SEMA4D: variants seen among roughly 807,000 people sequenced by gnomAD.
The protein encoded by SEMA4D is semaphorin 4D.
SEMA4D carries 22 observed loss-of-function variants against 74.8 expected under a neutral mutation model. That is an observed-to-expected ratio of 0.29 (90% confidence interval 0.21 to 0.42). The LOEUF is 0.42. SEMA4D is among the 10% of genes least tolerant of loss of function. The probability of loss-of-function intolerance (pLI) is 1.00; values close to 1 mark genes in which losing one functional copy is unlikely to be tolerated. For synonymous variants in SEMA4D, 445 were observed against 463.7 expected (o/e 0.96, Z 0.52); for missense variants, 937 against 1,118.4 (o/e 0.84, Z 2.31).
chr9:89,406,002 G>A (rs1843245428), intron 2 of SEMA4D: 1 of 1,006,162 alleles, frequency 9.9e-7, no homozygotes, highest in Non-Finnish European at 1.2e-6. Flanking sequence ...CCGGCTGGCT[G>A]CCCAGCTTCC....
intron 1 of SEMA4D, among the ~76,000 whole-genome samples, chr9:89,493,002 C>G (rs1160046108): frequency 6.6e-6 from 1 of 152,234 alleles, no homozygotes; most frequent in Non-Finnish European, 1.5e-5. Context: ...AGCCTCCCAT[C>G]TCCCTCCACT....
intron 2 of SEMA4D, chr9:89,418,928 T>C (rs1374475700): frequency 6.6e-6 from 1 of 152,186 alleles, no homozygotes; most frequent in Non-Finnish European, 1.5e-5. Flanking sequence ...TGATCACGGC[T>C]CTTTTTTTGA....
At chr9:89,454,025 T>C (rs1203695222) in intron 2 of SEMA4D, among the ~76,000 whole-genome samples, 1 of 152,060 alleles carries the variant, frequency 6.6e-6, no homozygotes, top group Non-Finnish European at 1.5e-5. Flanking sequence ...GCCTGGCTAA[T>C]TTTTTGTATT....
At chr9:89,366,705 A>G (rs780521113) in intron 16 of SEMA4D, among the ~76,000 whole-genome samples, 15 of 152,222 alleles carry the variant, frequency 9.9e-5, no homozygotes, top group African/African-American at 1.4e-4. Context: ...TTCCCAGCTG[A>G]TGGGCATCCA....
intron 16 of SEMA4D, among the ~76,000 whole-genome samples, chr9:89,370,970 T>C (rs1166217397): frequency 4.6e-5 from 5 of 108,166 alleles, no homozygotes; most frequent in African/African-American, 1.1e-4. Flanking sequence ...GGGTAGGGTG[T>C]GTATCTGGGG....
intron 1 of SEMA4D, among the ~76,000 whole-genome samples, chr9:89,462,054 T>C (rs909321575): frequency 6.6e-6 from 1 of 152,146 alleles, no homozygotes; most frequent in Non-Finnish European, 1.5e-5. Flanking sequence ...GGATGAGTTT[T>C]ACCAACCTGC....
At chr9:89,485,358 T>G (rs1340211935) in intron 1 of SEMA4D, among the ~76,000 whole-genome samples, 1 of 152,244 alleles carries the variant, frequency 6.6e-6, no homozygotes, top group Non-Finnish European at 1.5e-5. Flanking sequence ...GCCCAGGTTA[T>G]ATCTGGATTT....
chr9:89,438,246 T>C lies in SEMA4D; in HGVS notation c.-244+17642A>G, dbSNP rs562212838. ...AGTTTTAAGTTTGGAGATGAGAAAC[T>C]GGAGACCCAGGAAGGGTGAAGAGTG... On this transcript the variant is annotated intron_variant, in intron 2 of 15. Coordinates refer to ENST00000422704, the MANE Select transcript of SEMA4D (RefSeq NM_001371194.2). 2.0e-5 allele frequency among the ~76,000 whole-genome samples: 3 copies of C among 152,338 alleles called. No homozygotes were observed. The East Asian group carries it at 5.8e-4, about 29-fold the overall frequency.
At chr9:89,466,369 G>A (rs530256200) in intron 1 of SEMA4D, among the ~76,000 whole-genome samples, 1 of 152,250 alleles carries the variant, frequency 6.6e-6, no homozygotes, top group Admixed American at 6.5e-5. Flanking sequence ...ACACCTCTAA[G>A]AATCCACAAC....
At chr9:89,400,832 G>C (rs1842062863) in intron 4 of SEMA4D, among the ~76,000 whole-genome samples, 1 of 152,038 alleles carries the variant, frequency 6.6e-6, no homozygotes, top group Admixed American at 6.6e-5. Flanking sequence ...CCAACCCCGA[G>C]GGACCACCAT....
intron 7 of SEMA4D, among the ~76,000 whole-genome samples, chr9:89,392,914 G>A (rs772645170): frequency 6.6e-6 from 1 of 152,116 alleles, no homozygotes; most frequent in Non-Finnish European, 1.5e-5. Context: ...TTTTGGTAGA[G>A]ATGGGGTTTA....
intron 2 of SEMA4D, among the ~76,000 whole-genome samples, chr9:89,444,409 G>A (rs939712761): frequency 6.6e-6 from 1 of 152,226 alleles, no homozygotes; most frequent in African/African-American, 2.4e-5. Context: ...ACTCCTCCCA[G>A]CTATCAGCAC....
At chr9:89,463,046 G>T (rs1588079460) in intron 1 of SEMA4D, among the ~76,000 whole-genome samples, 2 of 151,046 alleles carry the variant, frequency 1.3e-5, no homozygotes, top group Admixed American at 1.3e-4. Context: ...TCTGTACTCT[G>T]AACACTAGAA....
chr9:89,491,441 G>A (rs534022490), intron 1 of SEMA4D, among the ~76,000 whole-genome samples: 17 of 152,208 alleles, frequency 1.1e-4, no homozygotes, highest in Non-Finnish European at 2.5e-4. Context: ...ATGGTGGCGT[G>A]TGCCTGTAGT....
intron 1 of SEMA4D, among the ~76,000 whole-genome samples, chr9:89,482,699 G>GGC: frequency 6.6e-6 from 1 of 152,194 alleles, no homozygotes; most frequent in South Asian, 2.1e-4. Context: ...AAAGGCTTCA[G>GGC]AGTAGTCCTG....
intron 1 of SEMA4D, among the ~76,000 whole-genome samples, chr9:89,458,917 T>C (rs1310546129): frequency 8.4e-6 from 1 of 118,602 alleles, no homozygotes; most frequent in Non-Finnish European, 2.1e-5. Flanking sequence ...TATACAGATA[T>C]ACTGCACACA....
intron 4 of SEMA4D, 79 bp from the exon 5 acceptor site, chr9:89,399,417 T>C: frequency 9.1e-7 from 1 of 1,104,468 alleles, no homozygotes; most frequent in Non-Finnish European, 1.4e-6. Flanking sequence ...TAAAAGCACA[T>C]GATAGAGTTT....
intron 2 of SEMA4D, among the ~76,000 whole-genome samples, chr9:89,441,782 C>G (rs558878040): frequency 1.3e-5 from 2 of 152,308 alleles, no homozygotes; most frequent in South Asian, 4.1e-4. Context: ...GGCCCTAACC[C>G]CCCTCCCACA....
chr9:89,492,099 T>C lies in SEMA4D; in HGVS notation c.-310+5820A>G, dbSNP rs969991455. On this transcript the variant is annotated intron_variant, in intron 1 of 15. Transcript: ENST00000422704. This position sits in a 1 kb window ranked among gnomAD's most constrained non-coding sequence, Gnocchi z 4.3. ...CCCACTGCCCTTCACGGCAGCAAAATTCTTGAAAAAGCAATAGGGTCCTGC... is the reference window on the plus strand; with the variant it reads ...CCCACTGCCCTTCACGGCAGCAAAACTCTTGAAAAAGCAATAGGGTCCTGC... Among the ~76,000 whole-genome samples, 2 of 152,138 alleles carry C rather than the reference T, an allele frequency of 1.3e-5. No homozygotes were observed. Among genetic ancestry groups the C allele is most frequent in the African/African-American group, 4.8e-5 (2 of 41,422 alleles).
Sources: allele counts gnomAD v4.1 joint callset (sites outside exome capture counted in the v4.1 genomes callset), GRCh38; gene constraint gnomAD v4.1.1; non-coding constraint Gnocchi (gnomAD v3.1); transcripts MANE v1.5; gene names NCBI Gene and HGNC (gene_info 2026-07-23, HGNC 2026-07-21).